GSE1: variants seen among roughly 807,000 people sequenced by gnomAD.
The protein encoded by GSE1 is Gse1 coiled-coil protein, also known as genetic suppressor element 1.
GSE1 carries 32 observed loss-of-function variants against 112.6 expected under a neutral mutation model. The ratio of observed to expected loss-of-function variants is 0.28; its 90% CI spans 0.21 to 0.38. GSE1 has a LOEUF of 0.38. Ranked by LOEUF, GSE1 falls within the 10% of genes least tolerant of loss-of-function variation. GSE1 has a pLI of 1.00. For missense variants in GSE1, 2,348 were observed against 1,699.2 expected, an observed-to-expected ratio of 1.38 and a Z score of -6.71; for synonymous variants, 1,115 against 735.6, an observed-to-expected ratio of 1.52 and a Z score of -8.35.
intron 1 of GSE1, among the ~76,000 whole-genome samples, chr16:85,344,399 G>A (rs1033040584): frequency 2.0e-5 from 3 of 152,236 alleles, no homozygotes; most frequent in African/African-American, 7.2e-5. Context: ...GAGCCTCCTT[G>A]GCTGACTGCC....
intron 2 of GSE1, among the ~76,000 whole-genome samples, chr16:85,450,836 C>G (rs1431697940): frequency 1.3e-5 from 2 of 151,976 alleles, no homozygotes; most frequent in East Asian, 3.9e-4. Flanking sequence ...CGAGGTGGGC[C>G]GATCACCTAA....
intron 2 of GSE1, among the ~76,000 whole-genome samples, chr16:85,525,034 T>G (rs1233795066): frequency 1.3e-5 from 2 of 152,184 alleles, no homozygotes; most frequent in East Asian, 1.9e-4. Flanking sequence ...TCTCACTGGC[T>G]GCCCGCAGCC....
intron 1 of GSE1, among the ~76,000 whole-genome samples, chr16:85,583,766 GTCC>G (rs954593803): frequency 1.3e-5 from 2 of 152,120 alleles, no homozygotes; most frequent in Non-Finnish European, 2.9e-5. Flanking sequence ...CCCGCCCCCC[GTCC>G]TCCTCCTGTC....
chr16:85,545,641 G>C (rs1170819722), intron 2 of GSE1, among the ~76,000 whole-genome samples: 2 of 152,184 alleles, frequency 1.3e-5, no homozygotes, highest in African/African-American at 4.8e-5. Flanking sequence ...GATAATAATA[G>C]ACTTGCTCTT....
chr16:85,589,935 G>A (rs752181785), intron 1 of GSE1, among the ~76,000 whole-genome samples: 2 of 152,076 alleles, frequency 1.3e-5, no homozygotes, highest in Non-Finnish European at 1.5e-5. Context: ...GAATGTGAAC[G>A]TGTGTGACAT....
In GSE1 at chr16:85,648,768, A is replaced by C; in HGVS notation, c.426+17A>C. The C allele has an allele frequency of 6.6e-7, 1 of 1,509,134 alleles. No individual in the cohort carries two copies. The highest frequency in any genetic ancestry group is 1.4e-5 in the African/African-American group (1 of 71,636). 93.5% of individuals were successfully genotyped at this position (1,509,134 alleles called of 1,614,324 possible). ...AGCCGGCAGGTGAGTGGGGCGGGGC[A>C]GGGAGCCTAGCGTCCTCTAAGTGGG... On this transcript the variant is annotated intron_variant, in intron 3 of 15. Transcript: ENST00000253458.
intron 2 of GSE1, among the ~76,000 whole-genome samples, chr16:85,639,528 G>C (rs965473242): frequency 6.6e-6 from 1 of 152,250 alleles, no homozygotes; most frequent in Non-Finnish European, 1.5e-5. Flanking sequence ...GGGTGTGTCG[G>C]GATCCCCCCA....
At chr16:85,547,394 C>A (rs2044737585) in intron 2 of GSE1, among the ~76,000 whole-genome samples, 1 of 152,236 alleles carries the variant, frequency 6.6e-6, no homozygotes, top group African/African-American at 2.4e-5. Flanking sequence ...CCCGGGGAAT[C>A]CAGACATCCC....
intron 1 of GSE1, among the ~76,000 whole-genome samples, chr16:85,296,999 G>T (rs1024996513): frequency 6.6e-6 from 1 of 152,198 alleles, no homozygotes; most frequent in African/African-American, 2.4e-5. Flanking sequence ...GTGCCTGCTG[G>T]GTGTGGACTG....
chr16:85,540,887 A>G (rs1162029971), intron 2 of GSE1, among the ~76,000 whole-genome samples: 2 of 152,170 alleles, frequency 1.3e-5, no homozygotes, highest in African/African-American at 4.8e-5. Context: ...GGCCTGAGCA[A>G]TAGAGTGAGA....
chr16:85,235,585 G>C (rs149013828), intron 1 of GSE1, among the ~76,000 whole-genome samples: 4 of 145,760 alleles, frequency 2.7e-5, no homozygotes, highest in South Asian at 2.3e-4. Context: ...GTGGGGGGGG[G>C]GCGCGTGTTC....
chr16:85,570,136 G>A (rs577705756), intron 1 of GSE1, among the ~76,000 whole-genome samples: 19 of 152,336 alleles, frequency 1.2e-4, no homozygotes, highest in Admixed American at 1.2e-3. Flanking sequence ...ATGAGAGGTT[G>A]CCTGCCAGAG....
chr16:85,233,879 T>C lies in GSE1; in HGVS notation c.2283+62072T>C, dbSNP rs373647186. ...GGAGCCCCTTTGGAGCCGACACAGG[T>C]TTGTTCTGTCCCAGGGCCCTCCTAC... is the stretch of plus-strand genomic sequence containing the variant. On this transcript the variant is annotated intron_variant, in intron 1 of 2. Coordinates refer to the GSE1 transcript ENST00000637419. Among the ~76,000 whole-genome samples, 17 of 151,668 alleles carry C rather than the reference T, an allele frequency of 1.1e-4. No individual in the cohort carries two copies. In the South Asian group the frequency reaches 3.5e-3, roughly 32 times the overall value.
intron 1 of GSE1, among the ~76,000 whole-genome samples, chr16:85,250,225 C>T (rs758657328): frequency 6.6e-6 from 1 of 152,364 alleles, no homozygotes; most frequent in African/African-American, 2.4e-5. Flanking sequence ...AGTGGCCTTT[C>T]TTTCAGAATG....
chr16:85,334,114 C>T (rs1322683898), intron 1 of GSE1, among the ~76,000 whole-genome samples: 3 of 152,224 alleles, frequency 2.0e-5, no homozygotes, highest in African/African-American at 7.2e-5. Context: ...GTGCACTGAC[C>T]AAGCTGTCTT....
chr16:85,275,279 C>T (rs1053603069), intron 1 of GSE1, among the ~76,000 whole-genome samples: 1 of 152,186 alleles, frequency 6.6e-6, no homozygotes, highest in Non-Finnish European at 1.5e-5. Flanking sequence ...CCAATAGCCC[C>T]CGTTCCTCCA....
intron 1 of GSE1, among the ~76,000 whole-genome samples, chr16:85,247,614 G>A (rs992261321): frequency 2.0e-5 from 3 of 152,234 alleles, no homozygotes; most frequent in South Asian, 2.1e-4. Flanking sequence ...CCCACCCTGG[G>A]TGCAAGGACC....
At chr16:85,481,546 A>G (rs2151872265) in intron 2 of GSE1, among the ~76,000 whole-genome samples, 1 of 152,198 alleles carries the variant, frequency 6.6e-6, no homozygotes, top group East Asian at 1.9e-4. Flanking sequence ...GAGTTGATTG[A>G]GATGCTTTTG....
chr16:85,659,708 A>C (rs1420242549), intron 8 of GSE1: 1 of 152,270 alleles, frequency 6.6e-6, no homozygotes, highest in Non-Finnish European at 1.5e-5. Flanking sequence ...TACTAAAAAT[A>C]GCCCTGTGAG....
Sources: allele counts gnomAD v4.1 joint callset (sites outside exome capture counted in the v4.1 genomes callset), GRCh38; gene constraint gnomAD v4.1.1; transcripts MANE v1.5; gene names NCBI Gene and HGNC (gene_info 2026-07-23, HGNC 2026-07-21).